The following RYR3 variants were observed in gnomAD, a reference collection of about 807,000 sequenced individuals.
The protein encoded by RYR3 is brain ryanodine receptor-calcium release channel.
Under a neutral mutation model 584.3 loss-of-function variants are expected in RYR3, and 207 were observed. That is an observed-to-expected ratio of 0.35 (90% CI 0.32 to 0.40). RYR3 has a LOEUF of 0.40. Among genes scored for constraint, RYR3 ranks in the 10% least tolerant of loss-of-function variants. The pLI is 1.00. For synonymous variants in RYR3, 2,416 were observed against 2,248.5 expected (o/e 1.07, Z -2.11); for missense variants, 5,616 against 6,089.2 (o/e 0.92, Z 2.59).
chr15:33,696,615 T>G, intron 39 of RYR3, 124 bp downstream of exon 39: 5 of 1,036,264 alleles, frequency 4.8e-6, no homozygotes, highest in Non-Finnish European at 7.0e-6. Flanking sequence ...TGATTCCAAT[T>G]TCACTCCTCA....
At chr15:33,411,897 A>G (rs745959502) in intron 1 of RYR3, among the ~76,000 whole-genome samples, 5 of 152,194 alleles carry the variant, frequency 3.3e-5, no homozygotes, top group Non-Finnish European at 5.9e-5. Flanking sequence ...GGTCTAGCCT[A>G]TCTTTCCTGT....
rs188157460 is a variant in RYR3, at chr15:33,431,377, A to G, written c.52-42042A>G. Among the ~76,000 whole-genome samples the G allele has an allele frequency of 2.6e-5, 4 of 152,370 alleles. No individual in the cohort carries two copies. The East Asian group carries it at 7.7e-4, about 29-fold the overall frequency. ...TTATGAGATACCATATAGTTTCTGCAGCTACATTTATGTACAATCATACAT... is the reference window on the plus strand; with the variant it reads ...TTATGAGATACCATATAGTTTCTGCGGCTACATTTATGTACAATCATACAT... On this transcript the variant is annotated intron_variant, in intron 1 of 103. Coordinates refer to ENST00000634891, the MANE Select transcript of RYR3 (RefSeq NM_001036.6).
At chr15:33,325,446 T>C (rs1204249907) in intron 1 of RYR3, among the ~76,000 whole-genome samples, 1 of 152,248 alleles carries the variant, frequency 6.6e-6, no homozygotes. Context: ...CTTTGAAATG[T>C]ACTTTACTAC....
chr15:33,848,611 T>A (rs753809327), intron 94 of RYR3, among the ~76,000 whole-genome samples, 190 bp downstream of exon 94: 2 of 152,228 alleles, frequency 1.3e-5, no homozygotes, highest in African/African-American at 2.4e-5. Context: ...ATTAGTTTAA[T>A]GGGGACAGAA....
chr15:33,534,320 G>A (rs1433268787), intron 5 of RYR3, among the ~76,000 whole-genome samples: 2 of 152,240 alleles, frequency 1.3e-5, no homozygotes, highest in Admixed American at 1.3e-4. Flanking sequence ...AGAATCGCTT[G>A]AACCCAGGAG....
intron 12 of RYR3, among the ~76,000 whole-genome samples, chr15:33,577,162 G>T (rs1215622644): frequency 1.3e-5 from 2 of 152,156 alleles, no homozygotes; most frequent in Admixed American, 6.5e-5. Flanking sequence ...TGGATAGGAA[G>T]AATCAATATC....
chr15:33,712,323 G>A (rs1567003913), intron 43 of RYR3, among the ~76,000 whole-genome samples: 2 of 152,102 alleles, frequency 1.3e-5, no homozygotes, highest in Admixed American at 1.3e-4. Context: ...TATACAAACT[G>A]TATCAAGGAC....
At chr15:33,860,707 G>T in intron 101 of RYR3, 48 bp downstream of exon 101, 1 of 1,305,238 alleles carries the variant, frequency 7.7e-7, no homozygotes, top group Non-Finnish European at 1.1e-6. Context: ...AATATCCCCA[G>T]AAGCAAATAG....
At chr15:33,487,601 T>A (rs568235519) in intron 2 of RYR3, among the ~76,000 whole-genome samples, 1 of 152,306 alleles carries the variant, frequency 6.6e-6, no homozygotes, top group South Asian at 2.1e-4. Context: ...TTCAATCTTA[T>A]GCACATATGG....
intron 16 of RYR3, 21 bp downstream of exon 16, chr15:33,586,137 G>T: frequency 7.1e-7 from 1 of 1,415,948 alleles, no homozygotes; most frequent in Non-Finnish European, 1.0e-6. Flanking sequence ...AAAGAACGGT[G>T]ATTGACTTTG....
chr15:33,541,022 T>C (rs2055772852), intron 7 of RYR3, 132 bp downstream of exon 7: 2 of 603,220 alleles, frequency 3.3e-6, no homozygotes, highest in Admixed American at 2.6e-5. Context: ...TTAGCTCACT[T>C]GAGTTTCTTT....
chr15:33,599,518 T>A (rs1027194150), intron 16 of RYR3, among the ~76,000 whole-genome samples: 2 of 152,172 alleles, frequency 1.3e-5, no homozygotes, highest in African/African-American at 4.8e-5. Context: ...GACAGGGAAC[T>A]TCCAGGTTAC....
At chr15:33,763,628 C>T (rs2072709649) in intron 60 of RYR3, among the ~76,000 whole-genome samples, 1 of 152,178 alleles carries the variant, frequency 6.6e-6, no homozygotes, top group African/African-American at 2.4e-5. Context: ...CACAGTGGCT[C>T]ATGCCTGTAA....
intron 36 of RYR3, among the ~76,000 whole-genome samples, chr15:33,667,308 G>C (rs2063540647): frequency 1.3e-5 from 2 of 152,186 alleles, no homozygotes; most frequent in Non-Finnish European, 2.9e-5. Flanking sequence ...ATGACCTGGG[G>C]TCGTGGCCCT....
intron 32 of RYR3, among the ~76,000 whole-genome samples, chr15:33,657,067 C>T (rs567168070): frequency 5.9e-5 from 9 of 152,330 alleles, no homozygotes; most frequent in African/African-American, 2.2e-4. Context: ...ACCAATTGCC[C>T]ATTTTTATCC....
chr15:33,666,199 T>G (rs1029926645), intron 36 of RYR3, among the ~76,000 whole-genome samples: 2 of 152,020 alleles, frequency 1.3e-5, no homozygotes, highest in African/African-American at 4.8e-5. Flanking sequence ...GAGGGGTGGG[T>G]TTCCCCATAT....
intron 85 of RYR3, among the ~76,000 whole-genome samples, chr15:33,828,507 C>T (rs935999256): frequency 6.6e-6 from 1 of 152,210 alleles, no homozygotes; most frequent in African/African-American, 2.4e-5. Context: ...AGGGCTGCCT[C>T]AGTGAGCATA....
intron 14 of RYR3, 87 bp downstream of exon 14, chr15:33,581,730 A>G (rs764296894): frequency 4.6e-5 from 55 of 1,203,886 alleles, no homozygotes; most frequent in Non-Finnish European, 5.8e-5. Context: ...ACTTGCCATT[A>G]ACCCTGTGAT....
At chr15:33,762,791 A>G (rs539538728) in intron 60 of RYR3, among the ~76,000 whole-genome samples, 2 of 152,214 alleles carry the variant, frequency 1.3e-5, no homozygotes, top group Non-Finnish European at 2.9e-5. Flanking sequence ...TGGAACCAAA[A>G]AAGAACCCAC....
Sources: gnomAD v4.1 joint callset for allele counts (sites outside exome capture counted in the v4.1 genomes callset) on GRCh38, gnomAD v4.1.1 for gene constraint, MANE v1.5 for transcripts, NCBI Gene and HGNC (gene_info 2026-07-23, HGNC 2026-07-21) for gene names.